TMEM135: variants seen among roughly 807,000 people sequenced by gnomAD.
The protein encoded by TMEM135 is peroxisomal membrane protein 52.
In TMEM135, 30 loss-of-function variants were observed where a neutral mutation model predicts 60.3. That is an observed-to-expected ratio of 0.50 (90% CI 0.37 to 0.68). The LOEUF (loss-of-function observed/expected upper bound fraction) is 0.68. Ranked by LOEUF, TMEM135 falls within the 30% of genes least tolerant of loss-of-function variation. TMEM135 has a pLI of 0.00. For missense variants in TMEM135, 468 were observed against 548.8 expected, an observed-to-expected ratio of 0.85 and a Z score of 1.47; for synonymous variants, 190 against 186.7, an observed-to-expected ratio of 1.02 and a Z score of -0.14.
chr11:87,073,062 A>C (rs1204752584), intron 3 of TMEM135, among the ~76,000 whole-genome samples: 4 of 151,976 alleles, frequency 2.6e-5, no homozygotes, highest in African/African-American at 9.7e-5. Context: ...TTTGAGGTGG[A>C]GTCTCACTCC....
At chr11:87,130,934 C>CTTT (rs750218106) in intron 4 of TMEM135, among the ~76,000 whole-genome samples, 34 of 142,654 alleles carry the variant, frequency 2.4e-4, no homozygotes, top group Admixed American at 2.0e-3. Context: ...TTACAGTTTT[C>CTTT]TTTTTTTTTT....
At chr11:87,241,027 T>A (rs1941121443) in intron 6 of TMEM135, among the ~76,000 whole-genome samples, 1 of 116,442 alleles carries the variant, frequency 8.6e-6, no homozygotes, top group African/African-American at 3.3e-5. Flanking sequence ...TTGTTATACT[T>A]TAAACTTTTA....
At chr11:87,280,369 G>A (rs1261068219) in intron 6 of TMEM135, among the ~76,000 whole-genome samples, 12 of 152,158 alleles carry the variant, frequency 7.9e-5, no homozygotes, top group Non-Finnish European at 1.6e-4. Context: ...TTTTGCTTTA[G>A]AAGTAAAGTT....
chr11:87,195,440 T>A lies in TMEM135; in HGVS notation c.462+38034T>A, dbSNP rs144115920. Reference sequence around the variant, plus strand: ...CTCTCTTTCTTTCTTTCTCTCTTGTTTTTGAGACGGAGTTTTACTCTTGTT... The same window carrying A: ...CTCTCTTTCTTTCTTTCTCTCTTGTATTTGAGACGGAGTTTTACTCTTGTT... On this transcript the variant is annotated intron_variant, in intron 5 of 14. Transcript: ENST00000305494. Among the ~76,000 whole-genome samples the A allele has an allele frequency of 1.5e-3, 220 of 151,342 alleles. 1 individual carries two copies. The highest frequency in any genetic ancestry group is 5.3e-3 in the African/African-American group (216 of 41,142).
At chr11:87,056,947 T>C (rs1367309331) in intron 1 of TMEM135, among the ~76,000 whole-genome samples, 2 of 152,226 alleles carry the variant, frequency 1.3e-5, no homozygotes, top group Admixed American at 6.5e-5. Context: ...CCATGATATT[T>C]GTACTTAAGT....
chr11:87,187,165 G>A (rs1939674112), intron 5 of TMEM135, among the ~76,000 whole-genome samples: 1 of 152,134 alleles, frequency 6.6e-6, no homozygotes, highest in South Asian at 2.1e-4. Context: ...GCCAAGTTAA[G>A]AATTCATTAA....
intron 5 of TMEM135, among the ~76,000 whole-genome samples, chr11:87,173,598 C>T (rs1294076087): frequency 6.6e-6 from 1 of 152,094 alleles, no homozygotes; most frequent in African/African-American, 2.4e-5. Context: ...CAATGTCTGC[C>T]ACATGTCTGC....
intron 9 of TMEM135, 63 bp downstream of exon 9, chr11:87,306,068 A>C (rs1006120975): frequency 1.0e-6 from 1 of 958,214 alleles, no homozygotes; most frequent in African/African-American, 1.7e-5. Flanking sequence ...TTATTTATTT[A>C]TTTAGAAATA....
At chr11:87,103,580 C>G (rs1857517462) in intron 4 of TMEM135, among the ~76,000 whole-genome samples, 1 of 148,550 alleles carries the variant, frequency 6.7e-6, no homozygotes, top group African/African-American at 2.5e-5. Flanking sequence ...TGTGTTAAAT[C>G]CCTTACATAT....
At chr11:87,099,497 C>T (rs913357375) in intron 4 of TMEM135, among the ~76,000 whole-genome samples, 7 of 151,774 alleles carry the variant, frequency 4.6e-5, no homozygotes, top group African/African-American at 1.7e-4. Context: ...AGAATATTTC[C>T]ATCATAGCAA....
At chr11:87,041,823 G>A (rs549646643) in intron 1 of TMEM135, among the ~76,000 whole-genome samples, 3 of 152,200 alleles carry the variant, frequency 2.0e-5, no homozygotes, top group East Asian at 1.9e-4. Context: ...AAGATGAAAG[G>A]GCAGTTCTAG....
intron 6 of TMEM135, among the ~76,000 whole-genome samples, chr11:87,247,354 T>A (rs1473077797): frequency 6.6e-6 from 1 of 152,224 alleles, no homozygotes; most frequent in Non-Finnish European, 1.5e-5. Flanking sequence ...TCTCCAGCTG[T>A]GTGCTGGGAG....
At chr11:87,274,043 A>G (rs1043703702) in intron 6 of TMEM135, among the ~76,000 whole-genome samples, 93 of 152,174 alleles carry the variant, frequency 6.1e-4, no homozygotes, top group African/African-American at 2.1e-3. Context: ...TTTATGAAAT[A>G]TATTTTGCAC....
At chr11:87,057,454 G>A (rs954074433) in intron 1 of TMEM135, among the ~76,000 whole-genome samples, 3 of 152,118 alleles carry the variant, frequency 2.0e-5, no homozygotes, top group African/African-American at 7.2e-5. Context: ...TCTTGTATCT[G>A]TTGGGGGCAG....
intron 5 of TMEM135, among the ~76,000 whole-genome samples, chr11:87,178,006 A>G (rs1301024437): frequency 6.6e-6 from 1 of 152,192 alleles, no homozygotes; most frequent in African/African-American, 2.4e-5. Flanking sequence ...CTGTAGAGTC[A>G]GGGTACATTA....
chr11:87,162,077 CA>C (rs1449466635), intron 5 of TMEM135, among the ~76,000 whole-genome samples: 4 of 151,742 alleles, frequency 2.6e-5, no homozygotes, highest in African/African-American at 9.7e-5. Context: ...TACTAAACTT[CA>C]AAAGAATAAG....
chr11:87,067,619 A>G, intron 1 of TMEM135, 75 bp from the exon 2 acceptor site: 1 of 1,579,990 alleles, frequency 6.3e-7, no homozygotes, highest in Non-Finnish European at 8.7e-7. Flanking sequence ...GCTTTTATAC[A>G]GTAGCTTCCA....
At position 87,133,866 on chromosome 11, in the gene TMEM135, G is replaced by C. The variant is rs552963225; in HGVS notation, c.397-23475G>C. 5.9e-5 allele frequency among the ~76,000 whole-genome samples: 9 copies of C among 152,144 alleles called. No individual in the cohort carries two copies. In the East Asian group the frequency reaches 1.2e-3, roughly 20 times the overall value. ...CATATATTTTATTTTGTGTAACAAT[G>C]GTTCATTTTTATTGCCGATAAGCAT... is the stretch of plus-strand genomic sequence containing the variant. On this transcript the variant is annotated intron_variant, in intron 4 of 14. Coordinates refer to ENST00000305494, the MANE Select transcript of TMEM135 (RefSeq NM_022918.4).
At chr11:87,080,449 C>T (rs940669042) in intron 3 of TMEM135, among the ~76,000 whole-genome samples, 1 of 152,136 alleles carries the variant, frequency 6.6e-6, no homozygotes, top group African/African-American at 2.4e-5. Context: ...TACTAATTTT[C>T]TTAGTCTAGT....
Sources: allele counts gnomAD v4.1 joint callset (sites outside exome capture counted in the v4.1 genomes callset), GRCh38; gene constraint gnomAD v4.1.1; transcripts MANE v1.5; gene names NCBI Gene and HGNC (gene_info 2026-07-23, HGNC 2026-07-21).